CSMD1: variants seen among roughly 807,000 people sequenced by gnomAD.
CSMD1 encodes CUB and sushi domain-containing protein 1.
In CSMD1, 213 loss-of-function variants were observed where a neutral mutation model predicts 417.5. That is an observed-to-expected ratio of 0.51 (90% CI 0.46 to 0.57). The LOEUF (loss-of-function observed/expected upper bound fraction) is 0.57, where lower values mean the gene tolerates loss of function less well. Among genes scored for constraint, CSMD1 ranks in the 20% least tolerant of loss-of-function variants. CSMD1 has a pLI of 0.00. For synonymous variants in CSMD1, 2,862 were observed against 1,736.8 expected, an observed-to-expected ratio of 1.65 and a Z score of -16.11; for missense variants, 6,923 against 4,529.7, an observed-to-expected ratio of 1.53 and a Z score of -15.17.
At chr8:3,597,044 C>T (rs1197480882) in intron 8 of CSMD1, among the ~76,000 whole-genome samples, 1 of 152,156 alleles carries the variant, frequency 6.6e-6, no homozygotes, top group South Asian at 2.1e-4. Context: ...GCCAGGAGCC[C>T]TGCAAGATAT....
chr8:3,367,170 A>C lies in CSMD1; in HGVS notation c.2977T>G (p.Ser993Ala), dbSNP rs1279599737. ...YLLITEDGSFSEPVARLTGSV... is the reference protein window; with the variant it reads ...YLLITEDGSFAEPVARLTGSV... ...CCGGTGAGCCTGGCAACGGGCTCGG[A>C]AAAACTTCCATCCTCTGTGATCAGT... The change falls in exon 20 of 70, where the codon TCC becomes GCC. Residue 993 changes from serine (S) to alanine (A), a missense_variant. Transcript: ENST00000635120. 4 of 1,613,566 alleles carry C rather than the reference A, an allele frequency of 2.5e-6. No homozygotes were observed. Among genetic ancestry groups the C allele is most frequent in the Non-Finnish European group, 3.4e-6 (4 of 1,179,766 alleles).
At chr8:3,972,684 T>C (rs1031651014) in intron 5 of CSMD1, among the ~76,000 whole-genome samples, 1 of 152,244 alleles carries the variant, frequency 6.6e-6, no homozygotes, top group Non-Finnish European at 1.5e-5. Flanking sequence ...AGTGTTAGCA[T>C]GGATATTGCA....
At chr8:4,134,329 T>G (rs1402112610) in intron 3 of CSMD1, among the ~76,000 whole-genome samples, 2 of 152,146 alleles carry the variant, frequency 1.3e-5, no homozygotes, top group Non-Finnish European at 2.9e-5. Flanking sequence ...AAAGACATCT[T>G]TAAGGTGGGT....
At chr8:3,784,588 G>A (rs1799346092) in intron 5 of CSMD1, among the ~76,000 whole-genome samples, 1 of 152,130 alleles carries the variant, frequency 6.6e-6, no homozygotes, top group Non-Finnish European at 1.5e-5. Flanking sequence ...TTATTAAGAT[G>A]CTTCAATATA....
chr8:2,948,361 C>T (rs977913558), intron 68 of CSMD1, among the ~76,000 whole-genome samples: 6 of 151,728 alleles, frequency 4.0e-5, no homozygotes, highest in African/African-American at 7.3e-5. Context: ...AGGAAGCAGA[C>T]GAGGTAGCAT....
At chr8:4,418,466 A>G (rs571970344) in intron 3 of CSMD1, among the ~76,000 whole-genome samples, 5 of 152,142 alleles carry the variant, frequency 3.3e-5, no homozygotes, top group Non-Finnish European at 5.9e-5. Flanking sequence ...CACAACATTA[A>G]TTTTGGGAAT....
chr8:4,748,140 C>T (rs12156079), intron 1 of CSMD1, among the ~76,000 whole-genome samples: 47,185 of 152,062 alleles, frequency 0.31, 8,256 homozygotes, highest in Admixed American at 0.45. Flanking sequence ...CCAACCAACT[C>T]ACAGAGAAAA....
intron 5 of CSMD1, among the ~76,000 whole-genome samples, chr8:3,944,275 G>C (rs1474736986): frequency 6.6e-6 from 1 of 152,112 alleles, no homozygotes; most frequent in East Asian, 1.9e-4. Flanking sequence ...GAGCAAAGTA[G>C]AGAAATCAAA....
rs191725960 is a variant in CSMD1, at chr8:2,984,599, G to C, written c.8378-5799C>G. On this transcript the variant is annotated intron_variant, in intron 54 of 69. Coordinates refer to ENST00000635120, the MANE Select transcript of CSMD1 (RefSeq NM_033225.6). ...CCTGACCTCGTGATCCACCCACCTT[G>C]GGCTCCCAAAGTGCTGGGATTACAG... Among the ~76,000 whole-genome samples, 1,433 of 152,272 alleles carry C rather than the reference G, an allele frequency of 9.4e-3. 18 individuals carry two copies. The highest frequency in any genetic ancestry group is 0.033 in the African/African-American group (1,368 of 41,560).
At chr8:3,662,431 G>C (rs138776337) in intron 7 of CSMD1, among the ~76,000 whole-genome samples, 172 of 152,216 alleles carry the variant, frequency 1.1e-3, no homozygotes, top group East Asian at 9.7e-3. Context: ...TCTTTATCCA[G>C]TCTATTATTG....
At chr8:3,304,733 T>TTC (rs1554507768) in intron 25 of CSMD1, among the ~76,000 whole-genome samples, 1 of 150,918 alleles carries the variant, frequency 6.6e-6, no homozygotes, top group African/African-American at 2.5e-5. Flanking sequence ...TTTTTCTCTT[T>TTC]TTAATTTTTT....
At chr8:3,751,326 G>GTGTGTGTGTGTA (rs398006953) in intron 6 of CSMD1, among the ~76,000 whole-genome samples, 1 of 132,912 alleles carries the variant, frequency 7.5e-6, no homozygotes, top group Non-Finnish European at 1.7e-5. Context: ...GTGTGTGTGT[G>GTGTGTGTGTGTA]TATATATATA....
At chr8:4,256,211 AG>A (rs1803445583) in intron 3 of CSMD1, among the ~76,000 whole-genome samples, 1 of 152,210 alleles carries the variant, frequency 6.6e-6, no homozygotes, top group Non-Finnish European at 1.5e-5. Flanking sequence ...CCTTACTCAA[AG>A]TAAGTGCATT....
chr8:4,531,744 C>T (rs1796827532), intron 2 of CSMD1, among the ~76,000 whole-genome samples: 1 of 152,182 alleles, frequency 6.6e-6, no homozygotes, highest in Non-Finnish European at 1.5e-5. Flanking sequence ...CCATGAAATT[C>T]ACTCTCTAAA....
chr8:3,304,067 A>T (rs1804622628), intron 25 of CSMD1, among the ~76,000 whole-genome samples: 1 of 152,198 alleles, frequency 6.6e-6, no homozygotes, highest in Non-Finnish European at 1.5e-5. Flanking sequence ...ATTGGCCTAA[A>T]GTAAAATATT....
intron 12 of CSMD1, among the ~76,000 whole-genome samples, chr8:3,445,185 A>T (rs969445053): frequency 2.0e-5 from 3 of 152,204 alleles, no homozygotes; most frequent in Admixed American, 6.5e-5. Context: ...ACTTTTAATA[A>T]TTCTTTTATC....
At chr8:4,757,481 T>G (rs563020625) in intron 1 of CSMD1, among the ~76,000 whole-genome samples, 72 of 152,160 alleles carry the variant, frequency 4.7e-4, no homozygotes, top group African/African-American at 1.6e-3. Flanking sequence ...AAACAGATAA[T>G]GAGTACCGCA....
intron 2 of CSMD1, among the ~76,000 whole-genome samples, chr8:4,593,733 A>G (rs752928262): frequency 6.6e-6 from 1 of 152,204 alleles, no homozygotes; most frequent in Admixed American, 6.5e-5. Flanking sequence ...TTTTTCCAAC[A>G]ATTCCTAGCT....
intron 3 of CSMD1, among the ~76,000 whole-genome samples, chr8:4,328,684 A>G (rs940968610): frequency 6.6e-6 from 1 of 152,158 alleles, no homozygotes; most frequent in Non-Finnish European, 1.5e-5. Context: ...TACATATTCA[A>G]CCTACTAGGA....
Sources: gnomAD v4.1 joint callset for allele counts (sites outside exome capture counted in the v4.1 genomes callset) on GRCh38, gnomAD v4.1.1 for gene constraint, MANE v1.5 for transcripts, NCBI Gene and HGNC (gene_info 2026-07-23, HGNC 2026-07-21) for gene names.